Variants in SLC22A23 observed in about 807,000 individuals in gnomAD.
The protein encoded by SLC22A23 is solute carrier family 22 member 23.
A neutral mutation model predicts 61.0 loss-of-function variants in SLC22A23; 26 were observed. The ratio of observed to expected loss-of-function variants is 0.43; its 90% CI spans 0.31 to 0.59. The LOEUF is 0.59. Among genes scored for constraint, SLC22A23 ranks in the 20% least tolerant of loss-of-function variants. The pLI is 0.11. For synonymous variants in SLC22A23, 430 were observed against 413.9 expected, an observed-to-expected ratio of 1.04 and a Z score of -0.47; for missense variants, 796 against 934.7, an observed-to-expected ratio of 0.85 and a Z score of 1.94.
chr6:3,298,055 G>C (rs1230907761), intron 5 of SLC22A23, 36 bp downstream of exon 5: 1 of 1,468,798 alleles, frequency 6.8e-7, no homozygotes, highest in Non-Finnish European at 9.0e-7. Context: ...GCCCCGTGGA[G>C]CCTCTCTGAG....
rs201504011 is a variant in SLC22A23 at position 3,285,066 on chromosome 6, G to A, written c.1579+13C>T. The A allele has an allele frequency of 2.0e-4, 324 of 1,612,748 alleles. No homozygotes were observed. The African/African-American group carries it at 3.0e-3, about 15-fold the overall frequency. On this transcript the variant is annotated intron_variant, in intron 8 of 9. Transcript: ENST00000406686. ...TGAGACGAGGAAGCACAGCCCACGC[G>A]CTTGGGACTCACCTGAGTCTGGGTG...
chr6:3,423,690 C>A (rs771993060), intron 1 of SLC22A23, among the ~76,000 whole-genome samples: 3 of 152,202 alleles, frequency 2.0e-5, no homozygotes, highest in Non-Finnish European at 4.4e-5. Context: ...GAAGTCAGCA[C>A]ACAGGCTTCT....
At position 3,272,532 on chromosome 6, in the gene SLC22A23, C is replaced by T. The variant is rs1034213433; in HGVS notation, c.*523G>A. 8.5e-5 allele frequency: 13 copies of T among 152,744 alleles called. No individual in the cohort carries two copies. The highest frequency in any genetic ancestry group is 3.1e-4 in the African/African-American group (13 of 41,466). 9.5% of individuals were successfully genotyped at this position (152,744 alleles called of 1,614,324 possible). A position where few individuals can be genotyped will look rare whatever the true frequency, so the allele number is the denominator to read the frequency against. On this transcript the variant is annotated 3_prime_UTR_variant, in exon 10 of 10. Transcript: ENST00000406686. ...GGAAAAAGGACCTTAAAAAACCATA[C>T]ACAGACTCTAGCAAAAGCCAAATTC...
chr6:3,376,771 G>A (rs1581779772), intron 3 of SLC22A23, among the ~76,000 whole-genome samples: 1 of 152,144 alleles, frequency 6.6e-6, no homozygotes, highest in East Asian at 1.9e-4. Flanking sequence ...TGTAAGAAAG[G>A]CAAAAGTGAA....
intron 3 of SLC22A23, among the ~76,000 whole-genome samples, chr6:3,340,886 T>C (rs1764115378): frequency 6.6e-6 from 1 of 152,184 alleles, no homozygotes. Context: ...TTTAAAGGAC[T>C]CATGTCTTCA....
At chr6:3,409,770 T>C (rs1769084341) in intron 3 of SLC22A23, among the ~76,000 whole-genome samples, 1 of 152,214 alleles carries the variant, frequency 6.6e-6, no homozygotes, top group Non-Finnish European at 1.5e-5. Flanking sequence ...TAGGTCTCAG[T>C]TCCAGACCAC....
At chr6:3,281,810 AG>A (rs1159507024) in intron 9 of SLC22A23, among the ~76,000 whole-genome samples, 3 of 152,080 alleles carry the variant, frequency 2.0e-5, no homozygotes, top group African/African-American at 7.2e-5. Flanking sequence ...ACATTCTCCC[AG>A]CCTGGCCCAG....
At chr6:3,442,427 T>C (rs1267525860) in intron 1 of SLC22A23, among the ~76,000 whole-genome samples, 1 of 152,152 alleles carries the variant, frequency 6.6e-6, no homozygotes, top group Non-Finnish European at 1.5e-5. Context: ...AATTTATAGT[T>C]TTACCACAAT....
At chr6:3,358,588 T>C (rs1426057528) in intron 3 of SLC22A23, among the ~76,000 whole-genome samples, 1 of 151,510 alleles carries the variant, frequency 6.6e-6, no homozygotes, top group Non-Finnish European at 1.5e-5. Flanking sequence ...ACATGGGGAG[T>C]TGCTCGTCAA....
chr6:3,428,762 C>T (rs1770667326), intron 1 of SLC22A23, among the ~76,000 whole-genome samples: 1 of 152,224 alleles, frequency 6.6e-6, no homozygotes, highest in Non-Finnish European at 1.5e-5. Flanking sequence ...GAAAGACACA[C>T]CCACTTCTAA....
At chr6:3,396,198 T>G (rs910736324) in intron 3 of SLC22A23, among the ~76,000 whole-genome samples, 31 of 152,176 alleles carry the variant, frequency 2.0e-4, no homozygotes, top group African/African-American at 7.2e-4. Context: ...TAGGGCTCCA[T>G]CCCCACAGAC....
intron 3 of SLC22A23, among the ~76,000 whole-genome samples, chr6:3,396,073 T>C (rs374737647): frequency 1.3e-5 from 2 of 152,216 alleles, no homozygotes; most frequent in African/African-American, 4.8e-5. Flanking sequence ...AACAGGGCAC[T>C]AGAGCCAGGC....
rs1295811808 is a variant in SLC22A23 at position 3,397,747 on chromosome 6, T to C, written c.913+12441A>G. Among the ~76,000 whole-genome samples, 4 of 152,184 alleles carry C rather than the reference T, an allele frequency of 2.6e-5. No homozygotes were observed. The South Asian group carries it at 6.2e-4, about 24-fold the overall frequency. ...CTCAGCTATACAGCACCATGCTATA[T>C]ACATGCACACATGCTGAGGTGTGCC... On this transcript the variant is annotated intron_variant, in intron 3 of 9. Transcript: ENST00000406686.
chr6:3,347,514 G>C (rs11756418), intron 3 of SLC22A23, among the ~76,000 whole-genome samples: 49,112 of 151,488 alleles, frequency 0.32, 8,741 homozygotes, highest in Middle Eastern at 0.43. Context: ...ACAGGAGGCA[G>C]GGCCCAGCCA....
At chr6:3,279,765 C>T (rs535890923) in intron 9 of SLC22A23, among the ~76,000 whole-genome samples, 1 of 152,056 alleles carries the variant, frequency 6.6e-6, no homozygotes, top group Non-Finnish European at 1.5e-5. Context: ...GTTTAGAAGT[C>T]AGAGCTGCTT....
intron 3 of SLC22A23, among the ~76,000 whole-genome samples, chr6:3,362,280 T>C (rs1765505531): frequency 6.6e-6 from 1 of 151,096 alleles, no homozygotes; most frequent in South Asian, 2.1e-4. Flanking sequence ...AGCATGCGCC[T>C]GTAGTCCCAG....
intron 3 of SLC22A23, among the ~76,000 whole-genome samples, chr6:3,398,132 C>T (rs369682078): frequency 5.9e-5 from 9 of 152,184 alleles, no homozygotes; most frequent in Admixed American, 5.2e-4. Flanking sequence ...AATGCCAGTT[C>T]GACATATTAA....
At chr6:3,347,645 A>G (rs1764519216) in intron 3 of SLC22A23, among the ~76,000 whole-genome samples, 1 of 151,888 alleles carries the variant, frequency 6.6e-6, no homozygotes, top group African/African-American at 2.4e-5. Flanking sequence ...GTTCTTCTCA[A>G]TGGTCTTCTC....
At chr6:3,379,789 A>T (rs756259048) in intron 3 of SLC22A23, among the ~76,000 whole-genome samples, 1 of 147,288 alleles carries the variant, frequency 6.8e-6, no homozygotes, top group South Asian at 2.1e-4. Flanking sequence ...ACGGGCTCAG[A>T]TTGCCTGATG....
Sources: gnomAD v4.1 joint callset for allele counts (sites outside exome capture counted in the v4.1 genomes callset) on GRCh38, gnomAD v4.1.1 for gene constraint, MANE v1.5 for transcripts, NCBI Gene and HGNC (gene_info 2026-07-23, HGNC 2026-07-21) for gene names.